METTL15: variants seen among roughly 807,000 people sequenced by gnomAD.
The protein encoded by METTL15 is methyltransferase 15, mitochondrial 12S rRNA N4-cytidine.
In METTL15, 34 loss-of-function variants were observed where a neutral mutation model predicts 38.3. The ratio of observed to expected loss-of-function variants is 0.89; its 90% confidence interval spans 0.68 to 1.18. The LOEUF (loss-of-function observed/expected upper bound fraction) is 1.18. Among genes scored for constraint, METTL15 ranks in the 50% most tolerant of loss-of-function variants. The pLI is 0.00. For synonymous variants in METTL15, 162 were observed against 170.9 expected, an observed-to-expected ratio of 0.95 and a Z score of 0.41; for missense variants, 438 against 498.4, an observed-to-expected ratio of 0.88 and a Z score of 1.15.
At chr11:28,380,768 C>A (rs1345021673) in intron 5 of METTL15, among the ~76,000 whole-genome samples, 1 of 151,766 alleles carries the variant, frequency 6.6e-6, no homozygotes. Context: ...AAATGTTCGT[C>A]TAGGAGAAAT....
At chr11:28,271,518 G>A (rs764971370) in intron 4 of METTL15, among the ~76,000 whole-genome samples, 5 of 151,946 alleles carry the variant, frequency 3.3e-5, no homozygotes, top group South Asian at 2.1e-4. Context: ...GTGGCCTAAC[G>A]ATCCACACTG....
intron 3 of METTL15, among the ~76,000 whole-genome samples, chr11:28,176,150 T>C (rs973295888): frequency 6.6e-6 from 1 of 152,014 alleles, no homozygotes; most frequent in South Asian, 2.1e-4. Flanking sequence ...TATTTTTGTA[T>C]TTCAAAAGAA....
chr11:28,427,943 C>T (rs1850880164), intron 6 of METTL15, among the ~76,000 whole-genome samples: 1 of 152,188 alleles, frequency 6.6e-6, no homozygotes, highest in African/African-American at 2.4e-5. Context: ...GCCAGAACTT[C>T]CAATACTACG....
chr11:28,201,543 C>T (rs557250287), intron 3 of METTL15, among the ~76,000 whole-genome samples: 1 of 150,860 alleles, frequency 6.6e-6, no homozygotes, highest in East Asian at 2.0e-4. Flanking sequence ...CTATTAATTA[C>T]TGCCTCAATT....
At chr11:28,130,675 C>T (rs191837752) in intron 3 of METTL15, among the ~76,000 whole-genome samples, 1 of 152,258 alleles carries the variant, frequency 6.6e-6, no homozygotes, top group East Asian at 1.9e-4. Context: ...TGTCAGTCTA[C>T]ATGCGCAGAT....
At chr11:28,270,454 A>G (rs1190402003) in intron 4 of METTL15, among the ~76,000 whole-genome samples, 1 of 152,158 alleles carries the variant, frequency 6.6e-6, no homozygotes, top group African/African-American at 2.4e-5. Flanking sequence ...TTGAGGTACA[A>G]AATATGTAGG....
intron 3 of METTL15, among the ~76,000 whole-genome samples, chr11:28,183,989 GGT>G (rs1391628998): frequency 2.0e-5 from 3 of 151,740 alleles, no homozygotes; most frequent in Admixed American, 6.6e-5. Flanking sequence ...CTCTTGGGAG[GGT>G]GTGTGTGTCC....
At chr11:28,161,680 AT>A in intron 3 of METTL15, among the ~76,000 whole-genome samples, 1 of 152,288 alleles carries the variant, frequency 6.6e-6, no homozygotes, top group South Asian at 2.1e-4. Flanking sequence ...AAAGGGTGAT[AT>A]AATGAAAATT....
At chr11:28,240,967 A>G (rs1345539814) in intron 4 of METTL15, among the ~76,000 whole-genome samples, 2 of 152,216 alleles carry the variant, frequency 1.3e-5, no homozygotes, top group Non-Finnish European at 1.5e-5. Flanking sequence ...CTGTACTTTT[A>G]AAGAGCTTAT....
intron 3 of METTL15, among the ~76,000 whole-genome samples, chr11:28,121,336 G>T (rs973453345): frequency 1.3e-5 from 2 of 152,100 alleles, no homozygotes; most frequent in African/African-American, 4.8e-5. Flanking sequence ...TGATTTATTA[G>T]TGTTATCAGT....
chr11:28,304,681 A>C (rs1161817142), intron 6 of METTL15, among the ~76,000 whole-genome samples: 2 of 152,110 alleles, frequency 1.3e-5, no homozygotes. Context: ...GTGCCACTGC[A>C]CTCCAGCCTG....
chr11:28,384,889 A>G (rs1850424951), intron 5 of METTL15, among the ~76,000 whole-genome samples: 1 of 152,076 alleles, frequency 6.6e-6, no homozygotes, highest in African/African-American at 2.4e-5. Flanking sequence ...TTCTCTAATG[A>G]TTGGTAATGT....
At chr11:28,492,927 T>A (rs1417637912) in intron 6 of METTL15, among the ~76,000 whole-genome samples, 1 of 152,150 alleles carries the variant, frequency 6.6e-6, no homozygotes, top group Admixed American at 6.5e-5. Flanking sequence ...ATAGTTGGTG[T>A]AGGGCAAAAC....
intron 4 of METTL15, among the ~76,000 whole-genome samples, chr11:28,280,762 CTT>C (rs1219570427): frequency 2.0e-5 from 3 of 149,982 alleles, no homozygotes; most frequent in Non-Finnish European, 4.4e-5. Flanking sequence ...CTAATTCTCT[CTT>C]TGGCTATTTG....
chr11:28,283,274 A>G (rs1199315358), intron 4 of METTL15, among the ~76,000 whole-genome samples: 1 of 152,156 alleles, frequency 6.6e-6, no homozygotes, highest in African/African-American at 2.4e-5. Context: ...CTACATAAAT[A>G]AGTCTTCTGT....
At chr11:28,354,728 G>A (rs1590342946) in intron 4 of METTL15, among the ~76,000 whole-genome samples, 1 of 152,116 alleles carries the variant, frequency 6.6e-6, no homozygotes, top group African/African-American at 2.4e-5. Flanking sequence ...AAGGGAAATC[G>A]GTGAGTGGTG....
chr11:28,256,196 T>A (rs538269805), intron 4 of METTL15, among the ~76,000 whole-genome samples: 3 of 152,218 alleles, frequency 2.0e-5, no homozygotes, highest in Non-Finnish European at 4.4e-5. Flanking sequence ...GGTATCAGGG[T>A]AATACTAGCC....
intron 3 of METTL15, among the ~76,000 whole-genome samples, chr11:28,195,259 G>T (rs1266902919): frequency 1.3e-5 from 2 of 152,024 alleles, no homozygotes; most frequent in Non-Finnish European, 2.9e-5. Flanking sequence ...TTGAATGGTA[G>T]ATCTACTTTT....
At chr11:28,396,946 A>G (rs186613797) in intron 5 of METTL15, among the ~76,000 whole-genome samples, 7 of 148,778 alleles carry the variant, frequency 4.7e-5, no homozygotes, top group Admixed American at 1.3e-4. Flanking sequence ...ACACATGTAC[A>G]ACCATCTGAT....
Sources: gnomAD v4.1 joint callset for allele counts (sites outside exome capture counted in the v4.1 genomes callset) on GRCh38, gnomAD v4.1.1 for gene constraint, MANE v1.5 for transcripts, NCBI Gene and HGNC (gene_info 2026-07-23, HGNC 2026-07-21) for gene names.